The following A1CF variants were observed in gnomAD, a reference collection of about 807,000 sequenced individuals.
A1CF encodes the protein APOBEC-1 stimulating protein.
Under a neutral mutation model 68.9 loss-of-function variants are expected in A1CF, and 48 were observed. That is an observed-to-expected ratio of 0.70 (90% confidence interval 0.55 to 0.89). The LOEUF (loss-of-function observed/expected upper bound fraction) is 0.89, where lower values mean the gene tolerates loss of function less well. Ranked by LOEUF, A1CF falls within the 40% of genes least tolerant of loss-of-function variation. The pLI is 0.00. For missense variants in A1CF, 653 were observed against 718.9 expected (o/e 0.91, Z 1.05); for synonymous variants, 272 against 260.4 (o/e 1.04, Z -0.43).
At chr10:50,819,834 A>T (rs1838559994) in intron 8 of A1CF, among the ~76,000 whole-genome samples, 1 of 152,086 alleles carries the variant, frequency 6.6e-6, no homozygotes, top group Admixed American at 6.6e-5. Flanking sequence ...TTTATTCTTT[A>T]TAGCCCACTT....
chr10:50,877,305 C>T (rs1841558045), intron 1 of A1CF, among the ~76,000 whole-genome samples: 1 of 152,172 alleles, frequency 6.6e-6, no homozygotes, highest in Admixed American at 6.5e-5. Flanking sequence ...TGTGTGTGGT[C>T]TATTTCATTC....
intron 4 of A1CF, 35 bp from the exon 5 acceptor site, chr10:50,842,027 ACGT>A: frequency 1.7e-5 from 27 of 1,561,982 alleles, no homozygotes; most frequent in Non-Finnish European, 2.4e-5. Flanking sequence ...TTATATTTAT[ACGT>A]TTGTACTTCT....
At position 50,871,983 on chromosome 10, in the gene A1CF, G is replaced by C. The variant is rs766210265; in HGVS notation, c.-93-7903C>G. 3.4e-4 allele frequency among the ~76,000 whole-genome samples: 52 copies of C among 151,988 alleles called. 1 individual carries two copies. Among genetic ancestry groups the C allele is most frequent in the Admixed American group, 6.6e-5 (1 of 15,254 alleles). On this transcript the variant is annotated intron_variant, in intron 1 of 12. Transcript: ENST00000373997. ...GAAGTTAAAAAGAGTCTACAGACAGGAAGAGAATAATTGTTATTTATATAA... is the reference window on the plus strand; with the variant it reads ...GAAGTTAAAAAGAGTCTACAGACAGCAAGAGAATAATTGTTATTTATATAA...
At chr10:50,843,915 T>A in intron 4 of A1CF, 73 bp downstream of exon 4, 1 of 1,576,102 alleles carries the variant, frequency 6.3e-7, no homozygotes, top group African/African-American at 1.4e-5. Flanking sequence ...AGGCTGAGAA[T>A]GAAAGCAAAG....
chr10:50,817,132 G>A (rs1195198713), intron 8 of A1CF, among the ~76,000 whole-genome samples: 1 of 152,062 alleles, frequency 6.6e-6, no homozygotes, highest in Non-Finnish European at 1.5e-5. Flanking sequence ...TAACTTCTAT[G>A]TATTGCTTGC....
Position 50,816,096 on chromosome 10 carries a change from G to A in A1CF, c.1051C>T (p.Gln351Ter). Residue 351 changes from glutamine to a stop codon, truncating the protein, a stop_gained, in exon 9 of 13, where the codon CAG (glutamine) becomes TAG (stop). Transcript: ENST00000373997. LOFTEE classifies it high-confidence loss of function. ...YLGAPVFYAP[Q>*]TYAAIPSLHF... ...AGACTGGGAATTGCTGCATAGGTCT[G>A]GGGGGCATAGAAGACAGGAGCTCCA... The A allele has an allele frequency of 6.2e-7, 1 of 1,613,770 alleles. No individual in the cohort carries two copies. Among genetic ancestry groups the A allele is most frequent in the Non-Finnish European group, 8.5e-7 (1 of 1,179,844 alleles).
At chr10:50,833,538 G>A (rs1462359795) in intron 6 of A1CF, among the ~76,000 whole-genome samples, 1 of 152,224 alleles carries the variant, frequency 6.6e-6, no homozygotes, top group Non-Finnish European at 1.5e-5. Context: ...CTGAGGAGCA[G>A]TTACATCCCT....
chr10:50,821,336 G>A (rs1447666289), intron 7 of A1CF, among the ~76,000 whole-genome samples: 1 of 152,142 alleles, frequency 6.6e-6, no homozygotes, highest in Non-Finnish European at 1.5e-5. Flanking sequence ...ATTCTACTTT[G>A]AGTAATGTCT....
chr10:50,880,278 C>T (rs1408335029), intron 1 of A1CF, among the ~76,000 whole-genome samples: 1 of 152,140 alleles, frequency 6.6e-6, no homozygotes, highest in East Asian at 1.9e-4. Context: ...AGTGGTGTGA[C>T]CTGGGGCAAA....
intron 2 of A1CF, among the ~76,000 whole-genome samples, chr10:50,863,305 A>G (rs1017856361): frequency 7.2e-5 from 11 of 152,330 alleles, no homozygotes; most frequent in African/African-American, 2.6e-4. Context: ...AGCAAGTCAA[A>G]CTTTTATTAA....
intron 1 of A1CF, among the ~76,000 whole-genome samples, chr10:50,874,049 A>G (rs574375762): frequency 6.6e-6 from 1 of 152,324 alleles, no homozygotes; most frequent in South Asian, 2.1e-4. Context: ...GCATTAAAAC[A>G]TGCAAGGGGT....
In A1CF at chr10:50,836,150, G is replaced by A; in HGVS notation, c.528C>T (p.Thr176=). The A allele has an allele frequency of 6.2e-7, 1 of 1,613,622 alleles. No individual in the cohort carries two copies. Residue 176 remains threonine, a synonymous_variant, in exon 6 of 13, where the codon ACC becomes ACT. Coordinates refer to ENST00000373997, the MANE Select transcript of A1CF (RefSeq NM_014576.4). ...CCACGAAGGCAAAGCCTCGGTTTTTGGTTTTATCTGCAGCGCTTGGGTAGA... is the reference window on the plus strand; with the variant it reads ...CCACGAAGGCAAAGCCTCGGTTTTTAGTTTTATCTGCAGCGCTTGGGTAGA... ...VIVYPSAADK[T]KNRGFAFVEY... is the part of the protein sequence containing the mutation.
At chr10:50,841,448 T>C (rs571802302) in intron 5 of A1CF, among the ~76,000 whole-genome samples, 1 of 152,302 alleles carries the variant, frequency 6.6e-6, no homozygotes, top group Non-Finnish European at 1.5e-5. Flanking sequence ...TGCCAGAGAG[T>C]ATTTTCTTAA....
At chr10:50,827,240 C>T (rs570481513) in intron 7 of A1CF, among the ~76,000 whole-genome samples, 2 of 152,278 alleles carry the variant, frequency 1.3e-5, no homozygotes, top group South Asian at 4.1e-4. Flanking sequence ...AGAAAGTTAA[C>T]AAGGATATTC....
intron 1 of A1CF, among the ~76,000 whole-genome samples, chr10:50,876,607 A>G (rs374739508): frequency 5.3e-5 from 8 of 152,182 alleles, no homozygotes; most frequent in African/African-American, 1.7e-4. Context: ...CGGACTTGAA[A>G]TATTGGCTCT....
rs1489967129 is a variant in A1CF, at chr10:50,836,233, T to C, written c.445A>G (p.Arg149Gly). Reference sequence around the variant, plus strand: ...TTCATCTCCGATAAGATTTCTTCTCTCTTTTTGGTTTTTGGGATGCCCCCA... The same window carrying C: ...TTCATCTCCGATAAGATTTCTTCTCCCTTTTTGGTTTTTGGGATGCCCCCA... Reference protein sequence around the residue: ...FVGGIPKTKKREEILSEMKKV... With the variant: ...FVGGIPKTKKGEEILSEMKKV... The change falls in exon 6 of 13, where the codon AGA (arginine) becomes GGA (glycine). Residue 149 changes from arginine (R) to glycine (G), a missense_variant. Physicochemically the swap from Arg to Gly is moderately radical, Grantham distance 125 (BLOSUM62 -2). Transcript: ENST00000373997. The C allele has an allele frequency of 1.9e-6, 3 of 1,613,934 alleles. No homozygotes were observed. Among genetic ancestry groups the C allele is most frequent in the Admixed American group, 3.3e-5 (2 of 59,998 alleles).
intron 1 of A1CF, among the ~76,000 whole-genome samples, chr10:50,879,531 C>T (rs1345531815): frequency 1.3e-5 from 2 of 152,054 alleles, no homozygotes; most frequent in Admixed American, 6.6e-5. Flanking sequence ...GCTGGGGAGG[C>T]CTCAGGAAAC....
Position 50,802,759 on chromosome 10 carries a change from T to A in A1CF, c.*3970A>T, listed in dbSNP as rs1479636939. The A allele has an allele frequency of 6.6e-6, 1 of 152,190 alleles. No homozygotes were observed. Among genetic ancestry groups the A allele is most frequent in the African/African-American group, 2.4e-5 (1 of 41,460 alleles). 9.4% of individuals were successfully genotyped at this position (152,190 alleles called of 1,614,324 possible). ...TGCAATGAAAATTTACCCCGAATAT[T>A]AACTTGATTGCCCTTTATTCTACAA... On this transcript the variant is annotated 3_prime_UTR_variant, in exon 13 of 13. Coordinates refer to ENST00000373997, the MANE Select transcript of A1CF (RefSeq NM_014576.4).
intron 6 of A1CF, among the ~76,000 whole-genome samples, chr10:50,835,619 G>C (rs1839450885): frequency 6.6e-6 from 1 of 152,074 alleles, no homozygotes. Flanking sequence ...TCTCAAATTA[G>C]ACAGAAATTA....
Sources: gnomAD v4.1 joint callset for allele counts (sites outside exome capture counted in the v4.1 genomes callset) on GRCh38, gnomAD v4.1.1 for gene constraint, MANE v1.5 for transcripts, NCBI Gene and HGNC (gene_info 2026-07-23, HGNC 2026-07-21) for gene names.